AOAH: variants seen among roughly 807,000 people sequenced by gnomAD.
AOAH encodes the protein acyloxyacyl hydrolase (neutrophil).
A neutral mutation model predicts 92.2 loss-of-function variants in AOAH; 64 were observed. That is an observed-to-expected ratio of 0.69 (90% CI 0.57 to 0.86). The LOEUF (loss-of-function observed/expected upper bound fraction) is 0.86, where lower values mean the gene tolerates loss of function less well. Among genes scored for constraint, AOAH ranks in the 40% least tolerant of loss-of-function variants. The pLI is 0.00. For synonymous variants in AOAH, 263 were observed against 254.5 expected (o/e 1.03, Z -0.32); for missense variants, 656 against 694.6 (o/e 0.94, Z 0.62).
intron 4 of AOAH, among the ~76,000 whole-genome samples, chr7:36,645,536 G>C (rs1192303224): frequency 1.3e-5 from 2 of 152,196 alleles, no homozygotes; most frequent in Non-Finnish European, 2.9e-5. Flanking sequence ...AAGGCAAGAA[G>C]TTTTACTGCT....
chr7:36,553,816 C>A (rs1786469855), intron 13 of AOAH, among the ~76,000 whole-genome samples: 1 of 152,178 alleles, frequency 6.6e-6, no homozygotes, highest in African/African-American at 2.4e-5. Flanking sequence ...CCTTTGCCCA[C>A]TTTTTCATGG....
intron 15 of AOAH, among the ~76,000 whole-genome samples, chr7:36,543,917 C>CT (rs1785587611): frequency 7.2e-6 from 1 of 138,694 alleles, no homozygotes; most frequent in Non-Finnish European, 1.6e-5. Context: ...GAAAAGTTTT[C>CT]TTTTCTTTTT....
chr7:36,679,574 CATT>C (rs1252762519), intron 2 of AOAH, among the ~76,000 whole-genome samples: 1 of 150,680 alleles, frequency 6.6e-6, no homozygotes, highest in Non-Finnish European at 1.5e-5. Context: ...AATATGTATA[CATT>C]ATTATATGTA....
chr7:36,639,683 T>C (rs1793766349), intron 4 of AOAH, among the ~76,000 whole-genome samples: 2 of 152,196 alleles, frequency 1.3e-5, no homozygotes, highest in Admixed American at 6.5e-5. Flanking sequence ...AATAAATGCT[T>C]TCAAAAAAGA....
intron 4 of AOAH, among the ~76,000 whole-genome samples, chr7:36,656,425 T>C (rs1198492933): frequency 6.6e-6 from 1 of 152,146 alleles, no homozygotes; most frequent in Non-Finnish European, 1.5e-5. Context: ...GGGCTGAACA[T>C]TATCTACGTC....
intron 13 of AOAH, among the ~76,000 whole-genome samples, chr7:36,559,249 C>T (rs1422900317): frequency 2.6e-5 from 4 of 152,190 alleles, no homozygotes; most frequent in Non-Finnish European, 4.4e-5. Flanking sequence ...AATTGATTTT[C>T]TTTTGGGTAT....
intron 13 of AOAH, among the ~76,000 whole-genome samples, chr7:36,558,170 A>T (rs1783702279): frequency 6.6e-6 from 1 of 152,172 alleles, no homozygotes; most frequent in Admixed American, 6.5e-5. Context: ...TTTGGTGTGG[A>T]TGTCCTTTCT....
In AOAH at chr7:36,533,477, C is replaced by T. The variant is rs866268286; in HGVS notation, c.1307-1133G>A. On this transcript the variant is annotated intron_variant, in intron 16 of 20. Transcript: ENST00000617537. The stretch of plus-strand genomic sequence containing the variant: ...AGTGAGTCCCAAGACAGGAAAGCCA[C>T]AGGCTCATTATGGCCACTAAAGTCA... Among the ~76,000 whole-genome samples the T allele has an allele frequency of 9.2e-5, 14 of 152,124 alleles. 1 individual carries two copies. Among genetic ancestry groups the T allele is most frequent in the African/African-American group, 2.9e-4 (12 of 41,422 alleles).
intron 13 of AOAH, among the ~76,000 whole-genome samples, chr7:36,555,082 T>G (rs533002512): frequency 9.0e-4 from 132 of 147,476 alleles, no homozygotes; most frequent in African/African-American, 3.1e-3. Flanking sequence ...AGGGAATGCT[T>G]CCAGTTTTTG....
chr7:36,606,453 C>T (rs1013242412), intron 11 of AOAH, among the ~76,000 whole-genome samples: 1 of 152,212 alleles, frequency 6.6e-6, no homozygotes, highest in African/African-American at 2.4e-5. Flanking sequence ...ACTTACCCTA[C>T]AGACAACAGC....
At chr7:36,721,969 AC>A (rs562785329) in intron 1 of AOAH, among the ~76,000 whole-genome samples, 28 of 152,162 alleles carry the variant, frequency 1.8e-4, no homozygotes, top group African/African-American at 6.7e-4. Context: ...AAAGCCTACT[AC>A]CCAAGATAGC....
chr7:36,721,835 C>T (rs1335584625), intron 1 of AOAH, among the ~76,000 whole-genome samples: 1 of 152,190 alleles, frequency 6.6e-6, no homozygotes, highest in African/African-American at 2.4e-5. Flanking sequence ...CTTGTGAATG[C>T]TTTGAGCAAT....
At chr7:36,552,226 C>G (rs1239526222) in intron 13 of AOAH, among the ~76,000 whole-genome samples, 1 of 152,138 alleles carries the variant, frequency 6.6e-6, no homozygotes, top group Non-Finnish European at 1.5e-5. Flanking sequence ...CATTGTTCAG[C>G]TACCAATCAT....
At chr7:36,634,802 C>CTATT (rs1169690506) in intron 5 of AOAH, among the ~76,000 whole-genome samples, 3 of 152,280 alleles carry the variant, frequency 2.0e-5, no homozygotes, top group African/African-American at 7.2e-5. Flanking sequence ...TAATAGCAAA[C>CTATT]TATTAAAAAT....
intron 6 of AOAH, among the ~76,000 whole-genome samples, chr7:36,626,750 T>C (rs1792689978): frequency 6.6e-6 from 1 of 152,196 alleles, no homozygotes; most frequent in Admixed American, 6.5e-5. Context: ...GAATTTCAAA[T>C]CATATCTGGC....
intron 6 of AOAH, among the ~76,000 whole-genome samples, chr7:36,625,522 C>T (rs907984150): frequency 3.3e-5 from 5 of 152,100 alleles, no homozygotes; most frequent in Non-Finnish European, 5.9e-5. Flanking sequence ...GCCTGCTGTC[C>T]GAAAGAGGAA....
chr7:36,672,503 A>G (rs1404064054), intron 3 of AOAH, among the ~76,000 whole-genome samples: 1 of 152,244 alleles, frequency 6.6e-6, no homozygotes, highest in Admixed American at 6.5e-5. Context: ...CATCATTCTC[A>G]GTAAACTATC....
intron 20 of AOAH, among the ~76,000 whole-genome samples, chr7:36,517,214 C>CTTTCTTTCTCTCTT (rs59205788): frequency 9.5e-6 from 1 of 104,830 alleles, no homozygotes; most frequent in African/African-American, 4.0e-5. Context: ...TTCTTTCTTT[C>CTTTCTTTCTCTCTT]TCTTTCTTTC....
At chr7:36,700,324 C>T (rs1797954887) in intron 1 of AOAH, among the ~76,000 whole-genome samples, 1 of 151,984 alleles carries the variant, frequency 6.6e-6, no homozygotes, top group African/African-American at 2.4e-5. Context: ...TTTCCTCACT[C>T]CTTTCCCTTC....
Sources: gnomAD v4.1 joint callset for allele counts (sites outside exome capture counted in the v4.1 genomes callset) on GRCh38, gnomAD v4.1.1 for gene constraint, MANE v1.5 for transcripts, NCBI Gene and HGNC (gene_info 2026-07-23, HGNC 2026-07-21) for gene names.